The following VPS33B variants were observed in gnomAD, a reference collection of about 807,000 sequenced individuals.
VPS33B encodes vacuolar protein sorting-associated protein 33B.
Under a neutral mutation model 95.3 loss-of-function variants are expected in VPS33B, and 80 were observed. The observed-to-expected ratio is 0.84, with a 90% CI of 0.70 to 1.01. The LOEUF is 1.01. VPS33B is among the 50% of genes least tolerant of loss of function. The pLI is 0.00. For synonymous variants in VPS33B, 280 were observed against 280.4 expected, an observed-to-expected ratio of 1.00 and a Z score of 0.01; for missense variants, 715 against 773.4, an observed-to-expected ratio of 0.92 and a Z score of 0.90.
intron 16 of VPS33B, 35 bp from the exon 17 acceptor site, chr15:91,003,166 A>C (rs1194615430): frequency 6.2e-7 from 1 of 1,612,324 alleles, no homozygotes; most frequent in African/African-American, 1.3e-5. Flanking sequence ...GTGCATGAGA[A>C]AGAGGCCGGC....
Position 91,005,620 on chromosome 15 carries a change from G to A in VPS33B, c.1030+74C>T, listed in dbSNP as rs1424026351. 1 of 1,591,316 alleles carries A rather than the reference G, an allele frequency of 6.3e-7. No homozygotes were observed. ...AGATGAACAGGGATCTCCTCCTCGG[G>A]AGTAATGGTCCTCTGGAGCTTTCCC... On this transcript the variant is annotated intron_variant, in intron 13 of 22. Transcript: ENST00000333371. This position sits in a 1 kb window ranked among gnomAD's most constrained non-coding sequence, Gnocchi z 6.4.
intron 2 of VPS33B, 44 bp from the exon 3 acceptor site, chr15:91,017,068 A>C: frequency 6.3e-7 from 1 of 1,590,804 alleles, no homozygotes; most frequent in Non-Finnish European, 8.6e-7. Flanking sequence ...AGAGTGCCTG[A>C]AAAGCACAAA....
downstream of VPS33B, chr15:90,998,669 C>T (rs1267287164): frequency 6.8e-6 from 3 of 438,326 alleles, no homozygotes; most frequent in African/African-American, 2.0e-5. The surrounding 1 kb of genome is among the most constrained non-coding windows in gnomAD (Gnocchi z 4.8). Context: ...GAACGACCAA[C>T]GTATTACATC....
chr15:91,006,877 T>G lies in VPS33B; in HGVS notation c.700+73A>C. 6.2e-7 allele frequency: 1 copy of G among 1,606,576 alleles called. No homozygotes were observed. The highest frequency in any genetic ancestry group is 8.5e-7 in the Non-Finnish European group (1 of 1,173,382). The stretch of plus-strand genomic sequence containing the variant: ...ACAGCCCTAACTTTAGGATTTTAAC[T>G]TTGCCACCACGCCTTCCATATTCCC... On this transcript the variant is annotated intron_variant, in intron 9 of 22. Transcript: ENST00000333371. This position sits in a 1 kb window ranked among gnomAD's most constrained non-coding sequence, Gnocchi z 5.4.
rs201971138 is a variant in VPS33B, at chr15:91,017,366, A to T, written c.178-342T>A. ...AACAAGACTCCATCTCTACAAAATT[A>T]AATATATATATATATATATATATAT... On this transcript the variant is annotated intron_variant, in intron 2 of 22. Coordinates refer to ENST00000333371, the MANE Select transcript of VPS33B (RefSeq NM_018668.5). 2.2e-3 allele frequency among the ~76,000 whole-genome samples: 54 copies of T among 24,316 alleles called. 6 individuals are homozygous for T. In the East Asian group the frequency reaches 0.15, roughly 66 times the overall value. 16.0% of individuals were successfully genotyped at this position (24,316 alleles called of 152,430 possible).
At position 90,999,436 on chromosome 15, in the gene VPS33B, A is replaced by G; in HGVS notation, c.1774+241T>C. 3.7e-6 allele frequency: 2 copies of G among 536,414 alleles called. No individual in the cohort carries two copies. Among genetic ancestry groups the G allele is most frequent in the South Asian group, 3.7e-5 (2 of 53,816 alleles). 33.2% of individuals were successfully genotyped at this position (536,414 alleles called of 1,614,324 possible). ...CGGGTTCAAGCAATTCTCCTGCCTC[A>G]GCCTCCCGAGTAGTTAGCATTACAG... On this transcript the variant is annotated intron_variant, in intron 22 of 22. Coordinates refer to ENST00000333371, the MANE Select transcript of VPS33B (RefSeq NM_018668.5). This position sits in a 1 kb window ranked among gnomAD's most constrained non-coding sequence, Gnocchi z 5.1.
chr15:91,000,974 G>T lies in VPS33B; in HGVS notation c.1480-383C>A, dbSNP rs560289617. The T allele has an allele frequency of 5.7e-6, 2 of 349,670 alleles. No individual in the cohort carries two copies. Among genetic ancestry groups the T allele is most frequent in the Non-Finnish European group, 1.1e-5 (2 of 183,242 alleles). The allele number at this position is 349,670 out of a possible 1,614,324, so 21.7% of individuals were successfully genotyped here. A position where few individuals can be genotyped will look rare whatever the true frequency, so the allele number is the denominator to read the frequency against. On this transcript the variant is annotated intron_variant, in intron 19 of 22. Coordinates refer to ENST00000333371, the MANE Select transcript of VPS33B (RefSeq NM_018668.5). This position sits in a 1 kb window ranked among gnomAD's most constrained non-coding sequence, Gnocchi z 4.9. ...CATGCTATAAGACTACCAAACAAAA[G>T]AATCTTTATACACATGAAATGACAA...
chr15:90,999,716 A>C lies in VPS33B; in HGVS notation c.1735T>G (p.Ser579Ala), dbSNP rs1481632269. 1 of 1,614,056 alleles carries C rather than the reference A, an allele frequency of 6.2e-7. No individual in the cohort carries two copies. Among genetic ancestry groups the C allele is most frequent in the African/African-American group, 1.3e-5 (1 of 74,924 alleles). The change falls in exon 22 of 23, where the codon TCT becomes GCT. Residue 579 changes from serine (S) to alanine (A), a missense_variant. By Grantham distance (99) the Ser-to-Ala change is moderately conservative. Coordinates refer to ENST00000333371, the MANE Select transcript of VPS33B (RefSeq NM_018668.5). The surrounding 1 kb of genome is among the most constrained non-coding windows in gnomAD (Gnocchi z 5.1). ...LVVFLGGCTF[S>A]EISALRFLGR... is the part of the protein sequence containing the mutation. Reference sequence around the variant, plus strand: ...AGGAACCGGAGGGCTGAGATCTCAGAGAATGTACAACCACCCAAGAACACC... The same window carrying C: ...AGGAACCGGAGGGCTGAGATCTCAGCGAATGTACAACCACCCAAGAACACC...
chr15:91,007,101 A>T lies in VPS33B; in HGVS notation c.604-55T>A, dbSNP rs1567223106. On this transcript the variant is annotated intron_variant, in intron 8 of 22. Transcript: ENST00000333371. This position sits in a 1 kb window ranked among gnomAD's most constrained non-coding sequence, Gnocchi z 5.3. ...GTGTCCAGGTCCCTACTGCAGCCCC[A>T]TACCTACAGAAGTCAGCCCTTTCCA... 1 of 1,585,256 alleles carries T rather than the reference A, an allele frequency of 6.3e-7. No individual in the cohort carries two copies. Among genetic ancestry groups the T allele is most frequent in the Admixed American group, 1.7e-5 (1 of 59,972 alleles).
chr15:91,000,691 T>A lies in VPS33B; in HGVS notation c.1480-100A>T. On this transcript the variant is annotated intron_variant, in intron 19 of 22. Transcript: ENST00000333371. This position sits in a 1 kb window ranked among gnomAD's most constrained non-coding sequence, Gnocchi z 4.9. ...CATGGCCCAAGGAACAATTCTTATT[T>A]CAACTAAAGGGAGAACCAGCAATAG... The A allele has an allele frequency of 9.6e-7, 1 of 1,041,578 alleles. No individual in the cohort carries two copies. Among genetic ancestry groups the A allele is most frequent in the Non-Finnish European group, 1.4e-6 (1 of 694,514 alleles). The allele number at this position is 1,041,578 out of a possible 1,614,324, so 64.5% of individuals were successfully genotyped here. A position where few individuals can be genotyped will look rare whatever the true frequency, so the allele number is the denominator to read the frequency against.
Position 91,022,247 on chromosome 15 carries a change from C to CATG in VPS33B, c.-1_2dup (p.Ala1_?0), listed in dbSNP as rs2041126481. The CATG allele has an allele frequency of 2.6e-6, 4 of 1,567,380 alleles. No homozygotes were observed. Among genetic ancestry groups the CATG allele is most frequent in the Non-Finnish European group, 3.5e-6 (4 of 1,151,366 alleles). On this transcript the variant is annotated start_lost and start_retained_variant, in exon 1 of 23. Coordinates refer to ENST00000333371, the MANE Select transcript of VPS33B (RefSeq NM_018668.5). The stretch of plus-strand genomic sequence containing the variant: ...GGGCGTCCGGCCGATGGGGAAAAGC[C>CATG]ATGGCAGCGGTCACCTGCGCCGCGG...
chr15:90,999,364 G>A lies in VPS33B; in HGVS notation c.1775-310C>T. Reference sequence around the variant, plus strand: ...ATGGAGTTTTGCTATTGTTGCCCAGGCTGGAGTGCAATGGTGCAATCTCAG... The same window carrying A: ...ATGGAGTTTTGCTATTGTTGCCCAGACTGGAGTGCAATGGTGCAATCTCAG... On this transcript the variant is annotated intron_variant, in intron 22 of 22. Coordinates refer to ENST00000333371, the MANE Select transcript of VPS33B (RefSeq NM_018668.5). This position sits in a 1 kb window ranked among gnomAD's most constrained non-coding sequence, Gnocchi z 5.1. 2.0e-6 allele frequency: 1 copy of A among 512,034 alleles called. No individual in the cohort carries two copies. Among genetic ancestry groups the A allele is most frequent in the East Asian group, 3.7e-5 (1 of 27,142 alleles). The allele number at this position is 512,034 out of a possible 1,614,324, so 31.7% of individuals were successfully genotyped here. A position where few individuals can be genotyped will look rare whatever the true frequency, so the allele number is the denominator to read the frequency against.
Position 91,007,978 on chromosome 15 carries a change from G to A in VPS33B, c.404-14C>T. The A allele has an allele frequency of 6.2e-7, 1 of 1,613,706 alleles. No homozygotes were observed. Among genetic ancestry groups the A allele is most frequent in the Non-Finnish European group, 8.5e-7 (1 of 1,179,588 alleles). Reference sequence around the variant, plus strand: ...CACAGCTCACATCTGTGGGGACAGAGAGCATCAGCCTCCCTGCAGAAGGTA... The same window carrying A: ...CACAGCTCACATCTGTGGGGACAGAAAGCATCAGCCTCCCTGCAGAAGGTA... On this transcript the variant is annotated splice_polypyrimidine_tract_variant and intron_variant, in intron 6 of 22. Coordinates refer to ENST00000333371, the MANE Select transcript of VPS33B (RefSeq NM_018668.5). This position sits in a 1 kb window ranked among gnomAD's most constrained non-coding sequence, Gnocchi z 5.3.
chr15:91,016,874 A>G (rs918653208), intron 3 of VPS33B, 89 bp downstream of exon 3: 12 of 1,264,324 alleles, frequency 9.5e-6, no homozygotes, highest in Middle Eastern at 2.2e-4. Context: ...GGTGAACCAT[A>G]TATCTCAGCC....
In VPS33B at chr15:91,005,791, GA is replaced by G; in HGVS notation, c.940-8del. The G allele has an allele frequency of 6.2e-7, 1 of 1,614,144 alleles. No homozygotes were observed. The highest frequency in any genetic ancestry group is 1.1e-5 in the South Asian group (1 of 91,082). On this transcript the variant is annotated splice_region_variant and splice_polypyrimidine_tract_variant and intron_variant, in intron 12 of 22. Transcript: ENST00000333371. This position sits in a 1 kb window ranked among gnomAD's most constrained non-coding sequence, Gnocchi z 6.4. Reference sequence around the variant, plus strand: ...TGTCCATGCCTCTCCGGCGCTGTGGGAAAATTCCCAAAGGTGAACCCCCCAA... The same window carrying G: ...TGTCCATGCCTCTCCGGCGCTGTGGGAAATTCCCAAAGGTGAACCCCCCAA...
rs989981121 is a variant in VPS33B at position 91,022,043 on chromosome 15, A to G, written c.96+111T>C. 45 of 1,265,798 alleles carry G rather than the reference A, an allele frequency of 3.6e-5. No homozygotes were observed. In the African/African-American group the frequency reaches 5.6e-4, roughly 16 times the overall value. 78.4% of individuals were successfully genotyped at this position (1,265,798 alleles called of 1,614,324 possible). The stretch of plus-strand genomic sequence containing the variant: ...TTCTGGACCTGCTGGGGAAGCGCCA[A>G]GGACAATACCAGGGGCCAAGAACAA... On this transcript the variant is annotated intron_variant, in intron 1 of 22. Coordinates refer to ENST00000333371, the MANE Select transcript of VPS33B (RefSeq NM_018668.5).
At position 91,006,490 on chromosome 15, in the gene VPS33B, TCTC is replaced by T. The variant is rs1271986340; in HGVS notation, c.779-48_779-46del. 10 of 1,613,318 alleles carry T rather than the reference TCTC, an allele frequency of 6.2e-6. No homozygotes were observed. Among genetic ancestry groups the T allele is most frequent in the East Asian group, 4.5e-5 (2 of 44,882 alleles). ...GCTATTAGGATCTCCAATGAGGACT[TCTC>T]CTACCATTCCCTGAACTGCCATAAA... On this transcript the variant is annotated intron_variant, in intron 10 of 22. Coordinates refer to ENST00000333371, the MANE Select transcript of VPS33B (RefSeq NM_018668.5). The surrounding 1 kb of genome is among the most constrained non-coding windows in gnomAD (Gnocchi z 5.4).
chr15:91,001,186 CATG>C (rs1182153534), intron 19 of VPS33B, among the ~76,000 whole-genome samples, 200 bp downstream of exon 19: 1 of 151,792 alleles, frequency 6.6e-6, no homozygotes, highest in Non-Finnish European at 1.5e-5. Flanking sequence ...CGTGGTGGCA[CATG>C]CCTGTAATCC....
chr15:91,003,680 C>G (rs908421731), intron 16 of VPS33B, among the ~76,000 whole-genome samples: 1 of 152,088 alleles, frequency 6.6e-6, no homozygotes, highest in Non-Finnish European at 1.5e-5. Flanking sequence ...TCTCAAGATC[C>G]GCCTGCCTTG....
Sources: allele counts gnomAD v4.1 joint callset (sites outside exome capture counted in the v4.1 genomes callset), GRCh38; gene constraint gnomAD v4.1.1; non-coding constraint Gnocchi (gnomAD v3.1); transcripts MANE v1.5; gene names NCBI Gene and HGNC (gene_info 2026-07-23, HGNC 2026-07-21).